Variants in SNX7 observed in about 807,000 individuals in gnomAD.
The protein encoded by SNX7 is sorting nexin-7.
Under a neutral mutation model 48.4 loss-of-function variants are expected in SNX7, and 35 were observed. The ratio of observed to expected loss-of-function variants is 0.72; its 90% confidence interval spans 0.55 to 0.96. The LOEUF (loss-of-function observed/expected upper bound fraction) is 0.96. Among genes scored for constraint, SNX7 ranks in the 40% least tolerant of loss-of-function variants. SNX7 has a pLI of 0.00. For synonymous variants in SNX7, 190 were observed against 190.2 expected, an observed-to-expected ratio of 1.00 and a Z score of 0.01; for missense variants, 553 against 548.9, an observed-to-expected ratio of 1.01 and a Z score of -0.07.
chr1:98,691,455 C>G, intron 3 of SNX7, 80 bp from the exon 4 acceptor site: 1 of 1,215,952 alleles, frequency 8.2e-7, no homozygotes, highest in Non-Finnish European at 1.1e-6. Context: ...AACTAGTCTT[C>G]CAAACAGGGA....
chr1:98,714,461 T>G (rs1218044587), intron 7 of SNX7, among the ~76,000 whole-genome samples: 1 of 111,332 alleles, frequency 9.0e-6, no homozygotes, highest in East Asian at 2.3e-4. Flanking sequence ...GGAAGGATGC[T>G]GAAAATAAGT....
chr1:98,723,594 G>A (rs947700800), intron 7 of SNX7, among the ~76,000 whole-genome samples: 3 of 152,036 alleles, frequency 2.0e-5, no homozygotes, highest in Admixed American at 2.0e-4. Flanking sequence ...GTCGGGTGCA[G>A]TGGCTCACAC....
intron 7 of SNX7, among the ~76,000 whole-genome samples, chr1:98,725,913 C>T (rs4503373): frequency 0.55 from 84,016 of 151,898 alleles, 24,262 homozygotes; most frequent in Non-Finnish European, 0.64. Context: ...TTCAGTTCAC[C>T]CACCAACACT....
At chr1:98,694,390 A>G (rs946623168) in intron 4 of SNX7, among the ~76,000 whole-genome samples, 1 of 150,206 alleles carries the variant, frequency 6.7e-6, no homozygotes. Flanking sequence ...AAAAAAAAAA[A>G]GTTTTCTCTG....
At chr1:98,668,355 C>T (rs1337704702) in intron 1 of SNX7, among the ~76,000 whole-genome samples, 3 of 152,146 alleles carry the variant, frequency 2.0e-5, no homozygotes, top group African/African-American at 7.2e-5. Context: ...TTCAGAAGAT[C>T]CATTCCACTC....
rs780771381 is a variant in SNX7, at chr1:98,698,817, G to A, written c.950G>A (p.Cys317Tyr). 5 of 1,613,750 alleles carry A rather than the reference G, an allele frequency of 3.1e-6. No individual in the cohort carries two copies. In the South Asian group the frequency reaches 5.5e-5, roughly 18 times the overall value. ...GTTGCCAGCTGCATTGACAGATGCT[G>A]TAAGGCCACTGAAAAGCGGATGTCT... ...KDVASCIDRC[C>Y]KATEKRMSGL... The change falls in exon 6 of 9, where the codon TGT (cysteine) becomes TAT (tyrosine). Residue 317 changes from cysteine to tyrosine, a missense_variant. Coordinates refer to ENST00000306121, the MANE Select transcript of SNX7 (RefSeq NM_015976.5).
rs562234286 is a variant in SNX7 at position 98,688,729 on chromosome 1, T to C, written c.364-2346T>C. 1.1e-4 allele frequency among the ~76,000 whole-genome samples: 16 copies of C among 152,290 alleles called. No individual in the cohort carries two copies. In the South Asian group the frequency reaches 2.9e-3, roughly 28 times the overall value. Reference sequence around the variant, plus strand: ...GCTTTTATGGTCAAACATGAAAAATTGGCCAGCATTTTCAATGTTGCTTCC... The same window carrying C: ...GCTTTTATGGTCAAACATGAAAAATCGGCCAGCATTTTCAATGTTGCTTCC... On this transcript the variant is annotated intron_variant, in intron 2 of 8. Coordinates refer to ENST00000306121, the MANE Select transcript of SNX7 (RefSeq NM_015976.5).
Position 98,691,721 on chromosome 1 carries a change from T to C in SNX7, c.639+22T>C, listed in dbSNP as rs776662807. On this transcript the variant is annotated intron_variant, in intron 4 of 8. Transcript: ENST00000306121. ...TTGGGTAAATGATTTTTATTTATAC[T>C]CATATAATCTTTGGGTGTCTGTATC... 11 of 1,558,602 alleles carry C rather than the reference T, an allele frequency of 7.1e-6. No homozygotes were observed. In the South Asian group the frequency reaches 9.6e-5, roughly 14 times the overall value.
Position 98,738,220 on chromosome 1 carries a change from T to C in SNX7, c.1126-17T>C. 6.2e-7 allele frequency: 1 copy of C among 1,610,052 alleles called. No individual in the cohort carries two copies. Among genetic ancestry groups the C allele is most frequent in the East Asian group, 2.2e-5 (1 of 44,690 alleles). On this transcript the variant is annotated splice_polypyrimidine_tract_variant and intron_variant, in intron 7 of 8. Coordinates refer to ENST00000306121, the MANE Select transcript of SNX7 (RefSeq NM_015976.5). Reference sequence around the variant, plus strand: ...GAATTCATAGATCAATGTATCTCTCTTTGTGACTTAATTCAGCTTCCAGAG... The same window carrying C: ...GAATTCATAGATCAATGTATCTCTCCTTGTGACTTAATTCAGCTTCCAGAG...
At chr1:98,668,927 G>A (rs888179413) in intron 1 of SNX7, among the ~76,000 whole-genome samples, 15 of 152,240 alleles carry the variant, frequency 9.9e-5, no homozygotes. Flanking sequence ...CTGTCCCAGA[G>A]GAGAGGAGGG....
Position 98,713,981 on chromosome 1 carries a change from G to A in SNX7, c.1125+12078G>A, listed in dbSNP as rs539198534. On this transcript the variant is annotated intron_variant, in intron 7 of 8. Coordinates refer to ENST00000306121, the MANE Select transcript of SNX7 (RefSeq NM_015976.5). ...AAGCACATGTTGGAAAAATGATGCT[G>A]GTAGGCTTACTCAGTGCAGGGTTGT... 2.0e-5 allele frequency among the ~76,000 whole-genome samples: 3 copies of A among 152,292 alleles called. No individual in the cohort carries two copies. The East Asian group carries it at 5.8e-4, about 29-fold the overall frequency.
intron 7 of SNX7, among the ~76,000 whole-genome samples, chr1:98,708,841 G>GT (rs1162711061): frequency 2.0e-5 from 3 of 152,106 alleles, no homozygotes; most frequent in African/African-American, 4.8e-5. Context: ...AAAAATCACC[G>GT]TATCTACCTT....
intron 8 of SNX7, among the ~76,000 whole-genome samples, chr1:98,750,889 T>G (rs564411420): frequency 6.6e-6 from 1 of 152,230 alleles, no homozygotes; most frequent in East Asian, 1.9e-4. Flanking sequence ...GTTTGCTGTA[T>G]TCCACGCTGG....
intron 7 of SNX7, among the ~76,000 whole-genome samples, chr1:98,737,043 C>T (rs866164012): frequency 6.6e-6 from 1 of 151,942 alleles, no homozygotes; most frequent in Non-Finnish European, 1.5e-5. Context: ...CCACTCACTG[C>T]TTCTCTAACC....
intron 7 of SNX7, among the ~76,000 whole-genome samples, chr1:98,714,166 A>G (rs932064130): frequency 2.0e-5 from 3 of 152,300 alleles, no homozygotes; most frequent in East Asian, 1.9e-4. Context: ...GAGGGGTGTC[A>G]ATGCCCCAGT....
chr1:98,682,151 G>T (rs12065799), intron 1 of SNX7, among the ~76,000 whole-genome samples: 102,428 of 151,402 alleles, frequency 0.68, 34,920 homozygotes, highest in East Asian at 0.93. Flanking sequence ...CACCTTCTCT[G>T]TTTCCTTTCC....
intron 7 of SNX7, among the ~76,000 whole-genome samples, chr1:98,714,674 A>G (rs1198630270): frequency 6.6e-6 from 1 of 152,172 alleles, no homozygotes; most frequent in Non-Finnish European, 1.5e-5. Context: ...GTGTTGGAAG[A>G]AGGAGGAAAA....
At chr1:98,664,521 C>T (rs1361955907) in intron 1 of SNX7, among the ~76,000 whole-genome samples, 2 of 152,108 alleles carry the variant, frequency 1.3e-5, no homozygotes, top group Non-Finnish European at 2.9e-5. Context: ...CGGAGTGAGA[C>T]TCTGTCTCAA....
At chr1:98,696,709 G>A (rs906298095) in intron 5 of SNX7, among the ~76,000 whole-genome samples, 16 of 151,600 alleles carry the variant, frequency 1.1e-4, no homozygotes, top group Non-Finnish European at 2.2e-4. Flanking sequence ...TCTTTGGTTT[G>A]CCCTTACATT....
Sources: gnomAD v4.1 joint callset for allele counts (sites outside exome capture counted in the v4.1 genomes callset) on GRCh38, gnomAD v4.1.1 for gene constraint, MANE v1.5 for transcripts, NCBI Gene and HGNC (gene_info 2026-07-23, HGNC 2026-07-21) for gene names.